The following RBFOX1 variants were observed in gnomAD, a reference collection of about 807,000 sequenced individuals.
RBFOX1 encodes RNA binding fox-1 homolog 1.
Under a neutral mutation model 57.7 loss-of-function variants are expected in RBFOX1, and 8 were observed. That is an observed-to-expected ratio of 0.14 (90% confidence interval 0.08 to 0.25). The LOEUF (loss-of-function observed/expected upper bound fraction) is 0.25. Among genes scored for constraint, RBFOX1 ranks in the 10% least tolerant of loss-of-function variants. The probability of loss-of-function intolerance (pLI) is 1.00; values close to 1 mark genes in which losing one functional copy is unlikely to be tolerated. For missense variants in RBFOX1, 611 were observed against 548.5 expected, an observed-to-expected ratio of 1.11 and a Z score of -1.14; for synonymous variants, 326 against 222.4, an observed-to-expected ratio of 1.47 and a Z score of -4.15.
intron 4 of RBFOX1, among the ~76,000 whole-genome samples, chr16:7,435,915 G>T (rs571196384): frequency 6.6e-6 from 1 of 152,306 alleles, no homozygotes; most frequent in African/African-American, 2.4e-5. Context: ...ACCAAAGCAG[G>T]CAGCACTTGT....
chr16:6,192,194 G>A (rs951708712), intron 1 of RBFOX1, among the ~76,000 whole-genome samples: 1 of 152,012 alleles, frequency 6.6e-6, no homozygotes, highest in Non-Finnish European at 1.5e-5. Flanking sequence ...TTAACGCAGC[G>A]AGATCTCCCC....
rs888351798 is a variant in RBFOX1 at position 5,439,035 on chromosome 16, G to T, written c.220-28181G>T. The stretch of plus-strand genomic sequence containing the variant: ...AGAATGATGTGGTAGAGAATAATGG[G>T]GGGGGGGGCATAGTGATTTTGTTTT... On this transcript the variant is annotated intron_variant, in intron 1 of 2. Coordinates refer to the RBFOX1 transcript ENST00000585867. Among the ~76,000 whole-genome samples the T allele has an allele frequency of 2.4e-4, 32 of 136,134 alleles. No individual in the cohort carries two copies. The East Asian group carries it at 6.6e-3, about 28-fold the overall frequency. The allele number at this position is 136,134 out of a possible 152,430, so 89.3% of individuals were successfully genotyped here. A position where few individuals can be genotyped will look rare whatever the true frequency, so the allele number is the denominator to read the frequency against.
chr16:6,272,983 G>A (rs578114569), intron 1 of RBFOX1, among the ~76,000 whole-genome samples: 46 of 152,206 alleles, frequency 3.0e-4, no homozygotes, highest in African/African-American at 8.4e-4. Flanking sequence ...AAAGAGGCCC[G>A]TTACATTGGC....
intron 2 of RBFOX1, among the ~76,000 whole-genome samples, chr16:6,532,938 G>C (rs11641022): frequency 0.48 from 73,205 of 151,984 alleles, 18,166 homozygotes; most frequent in East Asian, 0.69. Flanking sequence ...CTTTCTACCT[G>C]TACAAAGGAC....
intron 3 of RBFOX1, among the ~76,000 whole-genome samples, chr16:5,809,394 C>G (rs2055342386): frequency 6.6e-6 from 1 of 151,930 alleles, no homozygotes; most frequent in African/African-American, 2.4e-5. Context: ...GCAGCCTACA[C>G]AATGGGAGAA....
chr16:7,656,298 G>T (rs1006368345), intron 12 of RBFOX1, among the ~76,000 whole-genome samples: 1 of 152,140 alleles, frequency 6.6e-6, no homozygotes, highest in Non-Finnish European at 1.5e-5. Flanking sequence ...GAATGAATTG[G>T]CACGGAATGA....
At chr16:5,778,727 A>T (rs1260268582) in intron 3 of RBFOX1, among the ~76,000 whole-genome samples, 2 of 152,118 alleles carry the variant, frequency 1.3e-5, no homozygotes, top group African/African-American at 4.8e-5. Flanking sequence ...TATGAGGGTG[A>T]ATAGGAGGTG....
chr16:5,860,240 G>A (rs2057178693), intron 3 of RBFOX1, among the ~76,000 whole-genome samples: 1 of 152,092 alleles, frequency 6.6e-6, no homozygotes, highest in Admixed American at 6.6e-5. Flanking sequence ...ATGCCACCAT[G>A]CCAAGCTAAT....
intron 4 of RBFOX1, among the ~76,000 whole-genome samples, chr16:6,009,744 A>G (rs4420530): frequency 0.035 from 5,301 of 151,902 alleles, 345 homozygotes; most frequent in African/African-American, 0.12. Context: ...GTTGGACAAA[A>G]TGCACTGATA....
At chr16:7,246,812 A>G (rs531623031) in intron 4 of RBFOX1, among the ~76,000 whole-genome samples, 5 of 151,894 alleles carry the variant, frequency 3.3e-5, no homozygotes, top group East Asian at 3.9e-4. Flanking sequence ...CGACTGGCTG[A>G]CTGACTGATC....
At chr16:7,113,655 C>T (rs978133474) in intron 4 of RBFOX1, among the ~76,000 whole-genome samples, 16 of 152,170 alleles carry the variant, frequency 1.1e-4, no homozygotes, top group African/African-American at 3.4e-4. Flanking sequence ...AATATCCTTC[C>T]ACCCAAGAAA....
At chr16:5,528,624 C>G (rs1034870971) in intron 2 of RBFOX1, among the ~76,000 whole-genome samples, 33 of 143,166 alleles carry the variant, frequency 2.3e-4, no homozygotes, top group Non-Finnish European at 7.5e-5. Flanking sequence ...CTTTCCTTCT[C>G]TCCTTCCTTC....
At chr16:6,936,990 C>G (rs150504795) in intron 3 of RBFOX1, among the ~76,000 whole-genome samples, 4 of 150,406 alleles carry the variant, frequency 2.7e-5, no homozygotes, top group African/African-American at 7.4e-5. Context: ...ATACCTAATG[C>G]TAGATGACGA....
chr16:6,696,210 C>G (rs1055535590), intron 3 of RBFOX1, among the ~76,000 whole-genome samples: 2 of 152,118 alleles, frequency 1.3e-5, no homozygotes, highest in Non-Finnish European at 2.9e-5. Flanking sequence ...AATAAATATG[C>G]TTAAATTGAG....
chr16:7,389,002 T>A (rs2148352404), intron 4 of RBFOX1, among the ~76,000 whole-genome samples: 1 of 152,326 alleles, frequency 6.6e-6, no homozygotes, highest in East Asian at 1.9e-4. Flanking sequence ...AACATTTTTT[T>A]AAAGTGTGAT....
chr16:6,227,154 G>A (rs913204354), intron 1 of RBFOX1, among the ~76,000 whole-genome samples: 2 of 151,818 alleles, frequency 1.3e-5, no homozygotes, highest in African/African-American at 2.4e-5. Context: ...TATTATTACT[G>A]CCTCATATAT....
chr16:7,136,518 A>T (rs1175664211), intron 4 of RBFOX1, among the ~76,000 whole-genome samples: 1 of 149,248 alleles, frequency 6.7e-6, no homozygotes, highest in East Asian at 2.0e-4. Context: ...GTGATTTTCT[A>T]ACCTCATCCG....
chr16:6,985,274 C>G (rs995663055), intron 3 of RBFOX1, among the ~76,000 whole-genome samples: 1 of 152,102 alleles, frequency 6.6e-6, no homozygotes, highest in Non-Finnish European at 1.5e-5. Flanking sequence ...GGGAATATAT[C>G]TTATGTTTTT....
chr16:7,137,169 C>T (rs186485806), intron 4 of RBFOX1, among the ~76,000 whole-genome samples: 7 of 152,348 alleles, frequency 4.6e-5, no homozygotes, highest in Non-Finnish European at 8.8e-5. Context: ...CTGAGTCCAG[C>T]TGCAAAGTCT....
Sources: allele counts gnomAD v4.1 joint callset (sites outside exome capture counted in the v4.1 genomes callset), GRCh38; gene constraint gnomAD v4.1.1; transcripts MANE v1.5; gene names NCBI Gene and HGNC (gene_info 2026-07-23, HGNC 2026-07-21).